Variants in MAN1A1 observed in about 807,000 individuals in gnomAD.
The protein encoded by MAN1A1 is mannosyl-oligosaccharide 1,2-alpha-mannosidase IA.
A neutral mutation model predicts 70.8 loss-of-function variants in MAN1A1; 29 were observed. That is an observed-to-expected ratio of 0.41 (90% CI 0.31 to 0.56). The LOEUF (loss-of-function observed/expected upper bound fraction) is 0.56, where lower values mean the gene tolerates loss of function less well. MAN1A1 is among the 20% of genes least tolerant of loss of function. MAN1A1 has a pLI of 0.29. For missense variants in MAN1A1, 747 were observed against 841.3 expected (o/e 0.89, Z 1.39); for synonymous variants, 349 against 330.1 (o/e 1.06, Z -0.62).
intron 6 of MAN1A1, among the ~76,000 whole-genome samples, chr6:119,211,679 A>ACCAATTCAAAAT: frequency 6.6e-6 from 1 of 152,310 alleles, no homozygotes; most frequent in South Asian, 2.1e-4. Context: ...GACTTCTAAG[A>ACCAATTCAAAAT]GTCAAGAAAA....
chr6:119,348,786 C>A lies in MAN1A1; in HGVS notation c.280G>T (p.Ala94Ser). 7.1e-7 allele frequency: 1 copy of A among 1,410,714 alleles called. No individual in the cohort carries two copies. Among genetic ancestry groups the A allele is most frequent in the South Asian group, 1.6e-5 (1 of 62,158 alleles). 87.4% of individuals were successfully genotyped at this position (1,410,714 alleles called of 1,614,324 possible). A position where few individuals can be genotyped will look rare whatever the true frequency, so the allele number is the denominator to read the frequency against. Residue 94 changes from alanine (A) to serine (S), a missense_variant, in exon 2 of 13, where the codon GCC becomes TCC. Transcript: ENST00000368468. ...GCTCGCCCCTCGGCCGCGTCCTCGG[C>A]GCGCGCCCCGGGCCCGGGCTTGTGG... is the stretch of plus-strand genomic sequence containing the variant. The part of the protein sequence containing the change: ...ADHKPGPGAR[A>S]EDAAEGRARR...
Position 119,290,147 on chromosome 6 carries a change from G to A in MAN1A1, c.897+536C>T, listed in dbSNP as rs114156037. Among the ~76,000 whole-genome samples the A allele has an allele frequency of 3.9e-3, 591 of 151,994 alleles. 4 individuals are homozygous for A. Among genetic ancestry groups the A allele is most frequent in the African/African-American group, 0.014 (560 of 41,478 alleles). On this transcript the variant is annotated intron_variant, in intron 5 of 12. Transcript: ENST00000368468. ...AATTCCTGCTTTGCTCCAAGCAGTG[G>A]ATAATTAATGAAGCCTTGACTCAGG...
At chr6:119,243,702 AT>A (rs1190848089) in intron 6 of MAN1A1, among the ~76,000 whole-genome samples, 2 of 152,144 alleles carry the variant, frequency 1.3e-5, no homozygotes, top group African/African-American at 4.8e-5. Context: ...CAATTTAATT[AT>A]AATAATATAA....
chr6:119,300,564 T>C (rs1439199992), intron 4 of MAN1A1, among the ~76,000 whole-genome samples: 1 of 152,122 alleles, frequency 6.6e-6, no homozygotes, highest in Admixed American at 6.6e-5. Context: ...CACAGAAGTA[T>C]TATTAAGAAA....
intron 1 of MAN1A1, 27 bp downstream of exon 1, chr6:119,349,515 C>A: frequency 1.0e-6 from 1 of 983,964 alleles, no homozygotes; most frequent in Non-Finnish European, 1.2e-6. Context: ...GGGCAGCGCG[C>A]GAGCACCTCG....
intron 6 of MAN1A1, among the ~76,000 whole-genome samples, chr6:119,238,355 C>T (rs1056805922): frequency 1.3e-5 from 2 of 152,074 alleles, no homozygotes; most frequent in Non-Finnish European, 2.9e-5. Flanking sequence ...GATTAATTGA[C>T]CTTTGAAATA....
intron 2 of MAN1A1, among the ~76,000 whole-genome samples, chr6:119,326,920 C>T (rs1773161230): frequency 6.6e-6 from 1 of 152,186 alleles, no homozygotes; most frequent in Non-Finnish European, 1.5e-5. Flanking sequence ...AGTAGCTCTA[C>T]GTATGCAAGT....
intron 5 of MAN1A1, among the ~76,000 whole-genome samples, chr6:119,290,171 G>C (rs935618159): frequency 6.6e-6 from 1 of 151,952 alleles, no homozygotes; most frequent in African/African-American, 2.4e-5. Context: ...CCTTGACTCA[G>C]GAAGAGCTCC....
In MAN1A1 at chr6:119,233,796, C is replaced by T. The variant is rs1056138545; in HGVS notation, c.992+14464G>A. On this transcript the variant is annotated intron_variant, in intron 6 of 12. Coordinates refer to ENST00000368468, the MANE Select transcript of MAN1A1 (RefSeq NM_005907.4). ...CCACAATAAGAAGTTGGCAATGGGA[C>T]CCTCACTGTTCTACAGCTTTCAGAG... Among the ~76,000 whole-genome samples, 9 of 152,306 alleles carry T rather than the reference C, an allele frequency of 5.9e-5. No individual in the cohort carries two copies. In the East Asian group the frequency reaches 1.5e-3, roughly 26 times the overall value.
In MAN1A1 at chr6:119,348,620, T is replaced by G; in HGVS notation, c.446A>C (p.Asp149Ala). The change falls in exon 2 of 13, where the codon GAC becomes GCC. Residue 149 changes from aspartate to alanine, a missense_variant. Around this residue, in one of 2 missense-constraint regions of MAN1A1, gnomAD observed 328 missense variants for 293.1 expected, o/e 1.12. Transcript: ENST00000368468. ...LQKLPEEIQR[D>A]ILLEKKKVAQ... Reference sequence around the variant, plus strand: ...CACCTTCTTCTTCTCCAGTAGGATGTCTCTTTGGATCTCCTCGGGCAGCTT... The same window carrying G: ...CACCTTCTTCTTCTCCAGTAGGATGGCTCTTTGGATCTCCTCGGGCAGCTT... 6.2e-7 allele frequency: 1 copy of G among 1,613,936 alleles called. No homozygotes were observed. Among genetic ancestry groups the G allele is most frequent in the Non-Finnish European group, 8.5e-7 (1 of 1,179,912 alleles).
chr6:119,325,334 C>T (rs1228821468), intron 2 of MAN1A1, among the ~76,000 whole-genome samples: 1 of 152,152 alleles, frequency 6.6e-6, no homozygotes, highest in East Asian at 1.9e-4. Context: ...GGTGAATAAA[C>T]AAAAATTAGA....
chr6:119,185,787 G>C (rs1371610660), intron 11 of MAN1A1, among the ~76,000 whole-genome samples: 2 of 150,594 alleles, frequency 1.3e-5, no homozygotes, highest in African/African-American at 4.9e-5. Flanking sequence ...CACCGTGTTA[G>C]CCAGGATGGT....
chr6:119,264,753 T>C (rs1236496611), intron 5 of MAN1A1, among the ~76,000 whole-genome samples: 1 of 152,200 alleles, frequency 6.6e-6, no homozygotes, highest in Non-Finnish European at 1.5e-5. Flanking sequence ...CAGCATTTAT[T>C]ACTGTTTTCT....
At chr6:119,265,974 G>C (rs1486067879) in intron 5 of MAN1A1, among the ~76,000 whole-genome samples, 1 of 151,992 alleles carries the variant, frequency 6.6e-6, no homozygotes, top group Admixed American at 6.5e-5. Flanking sequence ...TATCAGCAAT[G>C]GACAAGTGGA....
At chr6:119,330,436 G>C (rs942053122) in intron 2 of MAN1A1, among the ~76,000 whole-genome samples, 1 of 151,932 alleles carries the variant, frequency 6.6e-6, no homozygotes, top group Non-Finnish European at 1.5e-5. Context: ...TATAAATTCC[G>C]GTTTTAAGTA....
chr6:119,283,192 A>AT (rs1403456833), intron 5 of MAN1A1, among the ~76,000 whole-genome samples: 2 of 152,146 alleles, frequency 1.3e-5, no homozygotes, highest in African/African-American at 4.8e-5. Context: ...ACTACATTAC[A>AT]TTTTCTCCTT....
intron 5 of MAN1A1, among the ~76,000 whole-genome samples, chr6:119,274,801 A>C (rs967877944): frequency 2.0e-5 from 3 of 152,230 alleles, no homozygotes; most frequent in Non-Finnish European, 2.9e-5. Flanking sequence ...AGTTTTTGTT[A>C]TATGTACTCA....
chr6:119,347,150 G>A lies in MAN1A1; in HGVS notation c.603+1313C>T, dbSNP rs1773750947. ...AGGATGAAGACATTCTTCCTAAACC[G>A]AAAGGGATCCAAGTCCACTTTAACT... is the stretch of plus-strand genomic sequence containing the variant. On this transcript the variant is annotated intron_variant, in intron 2 of 12. Coordinates refer to ENST00000368468, the MANE Select transcript of MAN1A1 (RefSeq NM_005907.4). Among the ~76,000 whole-genome samples, 3 of 152,272 alleles carry A rather than the reference G, an allele frequency of 2.0e-5. 1 individual carries two copies. The highest frequency in any genetic ancestry group is 4.1e-4 in the South Asian group (2 of 4,820).
intron 6 of MAN1A1, among the ~76,000 whole-genome samples, chr6:119,243,934 C>T (rs1422567635): frequency 1.3e-5 from 2 of 151,912 alleles, no homozygotes; most frequent in Non-Finnish European, 2.9e-5. Flanking sequence ...CTAAATGTAA[C>T]ACCAAGCAGG....
Sources: gnomAD v4.1 joint callset for allele counts (sites outside exome capture counted in the v4.1 genomes callset) on GRCh38, gnomAD v4.1.1 for gene constraint, gnomAD v4.1.1 regional missense constraint, MANE v1.5 for transcripts, NCBI Gene and HGNC (gene_info 2026-07-23, HGNC 2026-07-21) for gene names.